The following EYA4 variants were observed in gnomAD, a reference collection of about 807,000 sequenced individuals.
EYA4 encodes the protein EYA transcriptional coactivator and phosphatase 4, also known as protein phosphatase EYA4.
In EYA4, 31 loss-of-function variants were observed where a neutral mutation model predicts 87.9. The ratio of observed to expected loss-of-function variants is 0.35; its 90% CI spans 0.27 to 0.48. EYA4 has a LOEUF of 0.48. Ranked by LOEUF, EYA4 falls within the 20% of genes least tolerant of loss-of-function variation. EYA4 has a pLI of 0.99. For missense variants in EYA4, 678 were observed against 761.4 expected (o/e 0.89, Z 1.29); for synonymous variants, 263 against 270.6 (o/e 0.97, Z 0.28).
At chr6:133,490,206 T>A (rs867173520) in intron 13 of EYA4, among the ~76,000 whole-genome samples, 7 of 151,588 alleles carry the variant, frequency 4.6e-5, no homozygotes, top group South Asian at 2.1e-4. Context: ...AATTAAAACA[T>A]ACCAACAAAT....
At chr6:133,494,513 G>A (rs952178758) in intron 13 of EYA4, among the ~76,000 whole-genome samples, 1 of 151,992 alleles carries the variant, frequency 6.6e-6, no homozygotes, top group Admixed American at 6.6e-5. Flanking sequence ...CAGGGTGACT[G>A]TAGTCAACAA....
At chr6:133,253,819 T>G (rs1775117968) in intron 1 of EYA4, among the ~76,000 whole-genome samples, 1 of 152,142 alleles carries the variant, frequency 6.6e-6, no homozygotes, top group African/African-American at 2.4e-5. Flanking sequence ...TGGGGCTCAT[T>G]GTATGTGTCT....
chr6:133,274,896 A>G (rs913488990), intron 2 of EYA4, 83 bp downstream of exon 2: 1 of 1,049,660 alleles, frequency 9.5e-7, no homozygotes, highest in Non-Finnish European at 1.5e-6. Flanking sequence ...TATTGTAAGA[A>G]GTAAGTTTTT....
At chr6:133,254,770 C>T (rs1562210797) in intron 1 of EYA4, among the ~76,000 whole-genome samples, 1 of 152,168 alleles carries the variant, frequency 6.6e-6, no homozygotes, top group Non-Finnish European at 1.5e-5. Flanking sequence ...GAGATCTAGC[C>T]TAACCCTTCC....
intron 3 of EYA4, among the ~76,000 whole-genome samples, chr6:133,415,168 G>T (rs761995171): frequency 2.4e-4 from 36 of 152,124 alleles, no homozygotes; most frequent in Non-Finnish European, 4.7e-4. Flanking sequence ...CACACTGCTG[G>T]TTTGGTAAAT....
rs150488200 is a variant in EYA4 at position 133,372,622 on chromosome 6, G to A, written c.34-9770G>A. 4.8e-3 allele frequency among the ~76,000 whole-genome samples: 730 copies of A among 151,544 alleles called. 5 individuals are homozygous for A. The highest frequency in any genetic ancestry group is 5.9e-3 in the Non-Finnish European group (397 of 67,788). Reference sequence around the variant, plus strand: ...TAATTTTAAAAATAAAGAACTTGATGCCAACATTCTTGAATTTTCTCTTTA... The same window carrying A: ...TAATTTTAAAAATAAAGAACTTGATACCAACATTCTTGAATTTTCTCTTTA... On this transcript the variant is annotated intron_variant, in intron 2 of 19. Transcript: ENST00000355286.
intron 14 of EYA4, among the ~76,000 whole-genome samples, chr6:133,509,400 TAAA>T (rs150944930): frequency 7.2e-6 from 1 of 139,812 alleles, no homozygotes; most frequent in Non-Finnish European, 1.6e-5. Context: ...GTGCTTTTCT[TAAA>T]AAAAAAAAAA....
intron 3 of EYA4, among the ~76,000 whole-genome samples, chr6:133,432,772 C>A (rs1408970854): frequency 1.3e-5 from 2 of 151,990 alleles, no homozygotes; most frequent in Non-Finnish European, 2.9e-5. Flanking sequence ...ACATTCTGAT[C>A]CCTCGTGGCA....
chr6:133,395,755 C>T (rs890879289), intron 3 of EYA4, among the ~76,000 whole-genome samples: 9 of 152,072 alleles, frequency 5.9e-5, no homozygotes, highest in Non-Finnish European at 1.0e-4. Flanking sequence ...AGCAAGACTT[C>T]GTCTAAAAAA....
chr6:133,501,531 C>T (rs538955116), intron 13 of EYA4, among the ~76,000 whole-genome samples: 2 of 152,058 alleles, frequency 1.3e-5, no homozygotes, highest in Non-Finnish European at 2.9e-5. Flanking sequence ...AATTTCTGTT[C>T]TGATTTGTGA....
At chr6:133,284,451 G>A (rs1777870105) in intron 2 of EYA4, among the ~76,000 whole-genome samples, 1 of 152,154 alleles carries the variant, frequency 6.6e-6, no homozygotes, top group South Asian at 2.1e-4. Context: ...TGGGATTACA[G>A]GCATGAGCCA....
At position 133,455,996 on chromosome 6, in the gene EYA4, TA is replaced by T. The variant is rs1269139513; in HGVS notation, c.278-555del. On this transcript the variant is annotated intron_variant, in intron 5 of 19. Transcript: ENST00000355286. ...TTTCTACGCTTATCTCTAAACATATTAAAAATTGTTATGCCATTAAAGTATG... is the reference window on the plus strand; with the variant it reads ...TTTCTACGCTTATCTCTAAACATATTAAAATTGTTATGCCATTAAAGTATG... Among the ~76,000 whole-genome samples the T allele has an allele frequency of 5.3e-4, 81 of 152,274 alleles. 2 individuals are homozygous for T. The highest frequency in any genetic ancestry group is 1.3e-4 in the Non-Finnish European group (9 of 68,020).
chr6:133,461,023 CA>C, intron 6 of EYA4, 90 bp from the exon 7 acceptor site: 1 of 866,014 alleles, frequency 1.2e-6, no homozygotes, highest in South Asian at 1.3e-5. Context: ...ATGTATTTAA[CA>C]TGGTAATTTC....
chr6:133,268,417 A>G (rs1459506112), intron 1 of EYA4, among the ~76,000 whole-genome samples: 1 of 152,170 alleles, frequency 6.6e-6, no homozygotes, highest in Non-Finnish European at 1.5e-5. Context: ...TGTATCTATC[A>G]GAGTAAGAAG....
At chr6:133,418,630 A>C (rs1219092568) in intron 3 of EYA4, among the ~76,000 whole-genome samples, 1 of 152,214 alleles carries the variant, frequency 6.6e-6, no homozygotes, top group Non-Finnish European at 1.5e-5. Context: ...AAGTCAGTAC[A>C]CAGATAAGTT....
chr6:133,502,246 A>G (rs898480412), intron 13 of EYA4: 12 of 152,174 alleles, frequency 7.9e-5, no homozygotes, highest in Admixed American at 3.9e-4. Context: ...CAGAACTTCC[A>G]CAAAACCCTG....
chr6:133,260,081 G>A (rs752052535), intron 1 of EYA4, among the ~76,000 whole-genome samples: 55 of 151,808 alleles, frequency 3.6e-4, no homozygotes, highest in African/African-American at 6.0e-4. Context: ...TATTTTTTTC[G>A]TGTGTGGCTT....
At chr6:133,347,592 A>G (rs1209813311) in intron 2 of EYA4, among the ~76,000 whole-genome samples, 1 of 152,204 alleles carries the variant, frequency 6.6e-6, no homozygotes, top group Non-Finnish European at 1.5e-5. Context: ...TCTAGTAACA[A>G]TTATTGCTAA....
At chr6:133,516,565 A>C (rs761725780) in intron 17 of EYA4, among the ~76,000 whole-genome samples, 2 of 151,574 alleles carry the variant, frequency 1.3e-5, no homozygotes, top group Admixed American at 6.6e-5. Context: ...ACAAAAAAAA[A>C]AAAACAAAAT....
Sources: gnomAD v4.1 joint callset for allele counts (sites outside exome capture counted in the v4.1 genomes callset) on GRCh38, gnomAD v4.1.1 for gene constraint, MANE v1.5 for transcripts, NCBI Gene and HGNC (gene_info 2026-07-23, HGNC 2026-07-21) for gene names.